Variants in CAPN9 observed in about 807,000 individuals in gnomAD.
The protein encoded by CAPN9 is calpain-9.
In CAPN9, 81 loss-of-function variants were observed where a neutral mutation model predicts 92.8. The observed-to-expected ratio is 0.87, with a 90% CI of 0.73 to 1.05. CAPN9 has a LOEUF of 1.05. Among genes scored for constraint, CAPN9 ranks in the 50% least tolerant of loss-of-function variants. The pLI is 0.00. For synonymous variants in CAPN9, 304 were observed against 328.0 expected (o/e 0.93, Z 0.79); for missense variants, 848 against 866.2 (o/e 0.98, Z 0.26).
intron 9 of CAPN9, 52 bp downstream of exon 9, chr1:230,779,185 C>A (rs1181198264): frequency 1.9e-6 from 3 of 1,558,270 alleles, no homozygotes; most frequent in Non-Finnish European, 2.6e-6. Flanking sequence ...TCCCTTCCAA[C>A]TCAGGACACC....
chr1:230,756,301 CAATT>C (rs1192174886), intron 2 of CAPN9, among the ~76,000 whole-genome samples: 2 of 148,678 alleles, frequency 1.3e-5, no homozygotes, highest in Non-Finnish European at 3.0e-5. Flanking sequence ...GACAGAGAGA[CAATT>C]GAGAGAGAGA....
At chr1:230,779,894 C>T (rs1205438998) in intron 9 of CAPN9, among the ~76,000 whole-genome samples, 2 of 152,132 alleles carry the variant, frequency 1.3e-5, no homozygotes, top group Non-Finnish European at 2.9e-5. Flanking sequence ...AGACTAGACC[C>T]AGAAGAATGT....
intron 4 of CAPN9, among the ~76,000 whole-genome samples, chr1:230,766,884 G>T (rs1392076844): frequency 6.6e-6 from 1 of 152,106 alleles, no homozygotes; most frequent in Non-Finnish European, 1.5e-5. Context: ...AAAACCATCA[G>T]ATCTGATGAG....
intron 1 of CAPN9, among the ~76,000 whole-genome samples, chr1:230,753,677 C>A (rs1665004261): frequency 6.6e-6 from 1 of 152,172 alleles, no homozygotes. Flanking sequence ...CCAGCCCAGG[C>A]CCCTCCTCAG....
intron 1 of CAPN9, 135 bp from the exon 2 acceptor site, chr1:230,755,202 G>T: frequency 7.5e-6 from 5 of 670,630 alleles, no homozygotes; most frequent in South Asian, 7.1e-5. Context: ...ACATCCACGT[G>T]GCCCTCCTCA....
intron 1 of CAPN9, among the ~76,000 whole-genome samples, chr1:230,754,025 T>C (rs1414167990): frequency 2.6e-5 from 4 of 151,982 alleles, no homozygotes; most frequent in Non-Finnish European, 4.4e-5. Context: ...TGCAAAACTC[T>C]CCTGAACGAA....
chr1:230,748,728 G>C (rs6676251), intron 1 of CAPN9, among the ~76,000 whole-genome samples: 1 of 152,008 alleles, frequency 6.6e-6, no homozygotes, highest in Non-Finnish European at 1.5e-5. Context: ...TTAGCTCTGA[G>C]TCTCATCTTA....
intron 4 of CAPN9, among the ~76,000 whole-genome samples, chr1:230,764,517 AT>A (rs1368341659): frequency 6.6e-6 from 1 of 152,228 alleles, no homozygotes; most frequent in Non-Finnish European, 1.5e-5. Flanking sequence ...GTCCGTAACT[AT>A]GAGAGCCAAT....
chr1:230,800,231 G>GAAAAAAGAAAGA (rs1275542783), intron 19 of CAPN9, among the ~76,000 whole-genome samples: 2 of 51,516 alleles, frequency 3.9e-5, no homozygotes, highest in Admixed American at 3.9e-4. Flanking sequence ...AAGAAAGAAA[G>GAAAAAAGAAAGA]AAGAAAGAAA....
chr1:230,754,403 T>C (rs1665085950), intron 1 of CAPN9, among the ~76,000 whole-genome samples: 1 of 88,150 alleles, frequency 1.1e-5, no homozygotes, highest in South Asian at 2.8e-4. Flanking sequence ...ATGTGTAATA[T>C]AGAATAATAT....
intron 4 of CAPN9, among the ~76,000 whole-genome samples, chr1:230,764,774 T>C (rs1468623294): frequency 6.6e-6 from 1 of 152,198 alleles, no homozygotes; most frequent in African/African-American, 2.4e-5. Flanking sequence ...TTCTCACTGT[T>C]GGATTGAGAG....
rs1418510508 is a variant in CAPN9, at chr1:230,767,564, T to C, written c.560T>C (p.Leu187Pro). 6.2e-7 allele frequency: 1 copy of C among 1,613,032 alleles called. No homozygotes were observed. The highest frequency in any genetic ancestry group is 1.7e-5 in the Admixed American group (1 of 59,800). The change falls in exon 5 of 20, where the codon CTG becomes CCG. Residue 187 changes from leucine (L) to proline (P), a missense_variant. Physicochemically the swap from Leu to Pro is moderately conservative, Grantham distance 98. Coordinates refer to ENST00000271971, the MANE Select transcript of CAPN9 (RefSeq NM_006615.3). The stretch of plus-strand genomic sequence containing the variant: ...AGGCTAAATGGGAGCTATGAAGCTC[T>C]GAAGGGAGGCAGCGCCATCGAGGCC... ...YAKLNGSYEALKGGSAIEAME... is the reference protein window; with the variant it reads ...YAKLNGSYEAPKGGSAIEAME...
intron 11 of CAPN9, 97 bp from the exon 12 acceptor site, chr1:230,785,884 G>C: frequency 5.0e-6 from 6 of 1,201,494 alleles, no homozygotes; most frequent in Non-Finnish European, 4.9e-6. Flanking sequence ...GGGATTCAAA[G>C]GGACAGAACC....
At chr1:230,773,220 C>G (rs1462972875) in intron 7 of CAPN9, among the ~76,000 whole-genome samples, 1 of 152,142 alleles carries the variant, frequency 6.6e-6, no homozygotes, top group Non-Finnish European at 1.5e-5. Flanking sequence ...TGGAGGCTCT[C>G]GTCCCACCAT....
At chr1:230,763,248 A>G (rs1435121072) in intron 4 of CAPN9, among the ~76,000 whole-genome samples, 2 of 152,206 alleles carry the variant, frequency 1.3e-5, no homozygotes, top group African/African-American at 2.4e-5. Flanking sequence ...TATATGATAA[A>G]ATGTATATGA....
chr1:230,781,243 C>A (rs1667204395), intron 11 of CAPN9, among the ~76,000 whole-genome samples: 1 of 152,154 alleles, frequency 6.6e-6, no homozygotes, highest in Admixed American at 6.5e-5. Flanking sequence ...CTCCCTCAAG[C>A]AAACCATTGA....
intron 8 of CAPN9, 110 bp downstream of exon 8, chr1:230,774,741 T>TCC: frequency 7.5e-6 from 1 of 133,600 alleles, no homozygotes; most frequent in South Asian, 2.1e-4. Context: ...CTTTCTTTCT[T>TCC]TTTTTTTTTT....
intron 2 of CAPN9, among the ~76,000 whole-genome samples, chr1:230,756,287 G>A (rs1665222530): frequency 6.6e-6 from 1 of 151,716 alleles, no homozygotes; most frequent in African/African-American, 2.4e-5. Flanking sequence ...TAGTTAATTA[G>A]CTAGACAGAG....
chr1:230,781,122 G>A (rs1015149450), intron 11 of CAPN9, among the ~76,000 whole-genome samples: 1 of 152,132 alleles, frequency 6.6e-6, no homozygotes, highest in African/African-American at 2.4e-5. Flanking sequence ...ACCCGCCTCA[G>A]CCTCCCAAAG....
Sources: gnomAD v4.1 joint callset for allele counts (sites outside exome capture counted in the v4.1 genomes callset) on GRCh38, gnomAD v4.1.1 for gene constraint, MANE v1.5 for transcripts, NCBI Gene and HGNC (gene_info 2026-07-23, HGNC 2026-07-21) for gene names.